The following EIF4G2 variants were observed in gnomAD, a reference collection of about 807,000 sequenced individuals.
EIF4G2 encodes DAP-5.
EIF4G2 carries 8 observed loss-of-function variants against 117.7 expected under a neutral mutation model. The ratio of observed to expected loss-of-function variants is 0.07; its 90% confidence interval spans 0.04 to 0.12. The LOEUF is 0.12. Ranked by LOEUF, EIF4G2 falls within the 10% of genes least tolerant of loss-of-function variation. The pLI is 1.00. For missense variants in EIF4G2, 812 were observed against 1,086.2 expected, an observed-to-expected ratio of 0.75 and a Z score of 3.55; for synonymous variants, 413 against 367.8, an observed-to-expected ratio of 1.12 and a Z score of -1.41.
Position 10,807,677 on chromosome 11 carries a change from T to C in EIF4G2, c.-86-296A>G, listed in dbSNP as rs527776177. On this transcript the variant is annotated intron_variant, in intron 1 of 21. Coordinates refer to ENST00000339995, the MANE Select transcript of EIF4G2 (RefSeq NM_001418.4). ...CTTTAAAACTGAGCACTGAGATCAATAGAAAAGTCTAACTACAGACACGAG... is the reference window on the plus strand; with the variant it reads ...CTTTAAAACTGAGCACTGAGATCAACAGAAAAGTCTAACTACAGACACGAG... 7.9e-4 allele frequency: 798 copies of C among 1,011,192 alleles called. 1 individual carries two copies. Among genetic ancestry groups the C allele is most frequent in the African/African-American group, 2.4e-3 (141 of 58,140 alleles). 62.6% of individuals were successfully genotyped at this position (1,011,192 alleles called of 1,614,324 possible). A position where few individuals can be genotyped will look rare whatever the true frequency, so the allele number is the denominator to read the frequency against.
rs947612569 is a variant in EIF4G2 at position 10,803,105 on chromosome 11, G to A, written c.921C>T (p.His307=). The change falls in exon 11 of 22, where the codon CAC becomes CAT. Residue 307 remains histidine, a synonymous_variant. Coordinates refer to ENST00000339995, the MANE Select transcript of EIF4G2 (RefSeq NM_001418.4). The surrounding 1 kb of genome is among the most constrained non-coding windows in gnomAD (Gnocchi z 4.0). Reference sequence around the variant, plus strand: ...GAAAAGCCTTGCGAGGAACCCAATGGTGTTCTCGCAACTCTACGGTATCCT... The same window carrying A: ...GAAAAGCCTTGCGAGGAACCCAATGATGTTCTCGCAACTCTACGGTATCCT... 1 of 1,610,744 alleles carries A rather than the reference G, an allele frequency of 6.2e-7. No individual in the cohort carries two copies. Among genetic ancestry groups the A allele is most frequent in the Non-Finnish European group, 8.5e-7 (1 of 1,178,188 alleles).
In EIF4G2 at chr11:10,808,842, C is replaced by G; in HGVS notation, c.-224G>C. On this transcript the variant is annotated 5_prime_UTR_variant, in exon 1 of 22. Transcript: ENST00000339995. ...GGGGGAGGAAGGAGTCGGGGACGGC[C>G]TCAAACTCAGCTCAGAGGAGTCGCT... The G allele has an allele frequency of 5.8e-6, 1 of 173,356 alleles. No individual in the cohort carries two copies. Among genetic ancestry groups the G allele is most frequent in the South Asian group, 9.2e-5 (1 of 10,896 alleles). The allele number at this position is 173,356 out of a possible 1,614,324, so 10.7% of individuals were successfully genotyped here. A position where few individuals can be genotyped will look rare whatever the true frequency, so the allele number is the denominator to read the frequency against.
rs552901823 is a variant in EIF4G2 at position 10,797,950 on chromosome 11, G to A, written c.2659-69C>T. ...CAGAAATCCATCCAAAAAGTTTTAG[G>A]TGGTACTACACAGTTTTAGAATATG... On this transcript the variant is annotated intron_variant, in intron 21 of 21. Transcript: ENST00000339995. This position sits in a 1 kb window ranked among gnomAD's most constrained non-coding sequence, Gnocchi z 4.5. 1.8e-5 allele frequency: 26 copies of A among 1,408,524 alleles called. No individual in the cohort carries two copies. In the Admixed American group the frequency reaches 3.4e-4, roughly 18 times the overall value. The allele number at this position is 1,408,524 out of a possible 1,614,324, so 87.3% of individuals were successfully genotyped here. A position where few individuals can be genotyped will look rare whatever the true frequency, so the allele number is the denominator to read the frequency against.
chr11:10,803,399 AATCCCTT>A lies in EIF4G2; in HGVS notation c.813+74_813+80del. On this transcript the variant is annotated intron_variant, in intron 9 of 21. Transcript: ENST00000339995. This position sits in a 1 kb window ranked among gnomAD's most constrained non-coding sequence, Gnocchi z 4.0. ...AACCCAGTTAATGGCTAAATATGGCAATCCCTTATGATGTCACAAAAATCAATAGCTT... is the reference window on the plus strand; with the variant it reads ...AACCCAGTTAATGGCTAAATATGGCAATGATGTCACAAAAATCAATAGCTT... 2 of 1,555,048 alleles carry A rather than the reference AATCCCTT, an allele frequency of 1.3e-6. No individual in the cohort carries two copies. Among genetic ancestry groups the A allele is most frequent in the Non-Finnish European group, 8.8e-7 (1 of 1,130,150 alleles).
rs1380741685 is a variant in EIF4G2 at position 10,806,863 on chromosome 11, T to C, written c.64A>G (p.Ser22Gly). The change falls in exon 3 of 22, where the codon AGT becomes GGT. Residue 22 changes from serine to glycine, a missense_variant. Around this residue, in one of 4 missense-constraint regions of EIF4G2, gnomAD observed 79 missense variants for 91.5 expected, o/e 0.86. Coordinates refer to ENST00000339995, the MANE Select transcript of EIF4G2 (RefSeq NM_001418.4). The stretch of plus-strand genomic sequence containing the variant: ...GGATAGTGCTGAGGTGCACCCCTAC[T>C]TCCTCCTCCGCCCGAAGAAGCACTA... 1.2e-6 allele frequency: 2 copies of C among 1,614,154 alleles called. No individual in the cohort carries two copies. The highest frequency in any genetic ancestry group is 1.7e-6 in the Non-Finnish European group (2 of 1,180,028).
rs762183978 is a variant in EIF4G2, at chr11:10,803,343, C to CA, written c.814-50dup. On this transcript the variant is annotated intron_variant, in intron 9 of 21. Coordinates refer to ENST00000339995, the MANE Select transcript of EIF4G2 (RefSeq NM_001418.4). This position sits in a 1 kb window ranked among gnomAD's most constrained non-coding sequence, Gnocchi z 4.0. The stretch of plus-strand genomic sequence containing the variant: ...TTGGAAGAGCTAAAGCAAATGTGTT[C>CA]AATTTACAGCTTTAAGACTTCTAAA... 6.3e-7 allele frequency: 1 copy of CA among 1,595,284 alleles called. No homozygotes were observed. Among genetic ancestry groups the CA allele is most frequent in the East Asian group, 2.2e-5 (1 of 44,714 alleles).
chr11:10,804,566 T>C, intron 5 of EIF4G2, 148 bp from the exon 6 acceptor site: 1 of 1,027,160 alleles, frequency 9.7e-7, no homozygotes, highest in East Asian at 2.6e-5. Context: ...ATCCATCTCC[T>C]GGGAGTCAGA....
chr11:10,807,731 G>A (rs1847625346), intron 1 of EIF4G2: 5 of 992,860 alleles, frequency 5.0e-6, no homozygotes, highest in East Asian at 1.1e-4. Context: ...GTCTGCCCTA[G>A]GAATTTTTAC....
At chr11:10,799,482 ACT>A (rs1847358619) in intron 19 of EIF4G2, 58 bp from the exon 20 acceptor site, 4 of 1,609,566 alleles carry the variant, frequency 2.5e-6, no homozygotes, top group East Asian at 2.2e-5. Context: ...TCAAGAGACA[ACT>A]CTTAGTCTCC....
chr11:10,799,097 A>G lies in EIF4G2; in HGVS notation c.2553T>C (p.Phe851=), dbSNP rs373619913. The change falls in exon 21 of 22, where the codon TTT becomes TTC. Residue 851 remains phenylalanine, a synonymous_variant. Coordinates refer to ENST00000339995, the MANE Select transcript of EIF4G2 (RefSeq NM_001418.4). ...TTTCCATGTCATAGAAGTGCACAAA[A>G]AAGCGAAGTAACATGCCTTAAAAAA... 3 of 1,586,316 alleles carry G rather than the reference A, an allele frequency of 1.9e-6. No individual in the cohort carries two copies. Among genetic ancestry groups the G allele is most frequent in the East Asian group, 2.2e-5 (1 of 44,598 alleles).
rs1325261468 is a variant in EIF4G2 at position 10,803,672 on chromosome 11, C to T, written c.703-82G>A. 7.7e-7 allele frequency: 1 copy of T among 1,290,968 alleles called. No homozygotes were observed. The highest frequency in any genetic ancestry group is 1.1e-6 in the Non-Finnish European group (1 of 904,148). The allele number at this position is 1,290,968 out of a possible 1,614,324, so 80.0% of individuals were successfully genotyped here. A position where few individuals can be genotyped will look rare whatever the true frequency, so the allele number is the denominator to read the frequency against. On this transcript the variant is annotated intron_variant, in intron 8 of 21. Coordinates refer to ENST00000339995, the MANE Select transcript of EIF4G2 (RefSeq NM_001418.4). The surrounding 1 kb of genome is among the most constrained non-coding windows in gnomAD (Gnocchi z 4.0). ...TACTTTCTTTCCCTTTATGTTTGCA[C>T]TGACTCATTCACAGTTCCTACAGAA...
At chr11:10,806,940 G>C (rs1391768559) in intron 2 of EIF4G2, 55 bp from the exon 3 acceptor site, 2 of 1,458,824 alleles carry the variant, frequency 1.4e-6, no homozygotes, top group African/African-American at 2.6e-5. Flanking sequence ...CACTCAAAAA[G>C]AATAAGCATC....
chr11:10,800,407 C>G, intron 17 of EIF4G2, 25 bp downstream of exon 17: 1 of 1,613,572 alleles, frequency 6.2e-7, no homozygotes, highest in Non-Finnish European at 8.5e-7. Context: ...AGAGTTCTTA[C>G]CACACAATCA....
At position 10,797,377 on chromosome 11, in the gene EIF4G2, T is replaced by C. The variant is rs1217497154; in HGVS notation, c.*439A>G. On this transcript the variant is annotated 3_prime_UTR_variant, in exon 22 of 22. Coordinates refer to ENST00000339995, the MANE Select transcript of EIF4G2 (RefSeq NM_001418.4). The surrounding 1 kb of genome is among the most constrained non-coding windows in gnomAD (Gnocchi z 4.5). ...TACTATTACGGCAACAACCATCAAT[T>C]ACAGTTAAGAATTTTTCTGTAACAA... 1.2e-5 allele frequency: 2 copies of C among 160,470 alleles called. No individual in the cohort carries two copies. Among genetic ancestry groups the C allele is most frequent in the Admixed American group, 1.2e-4 (2 of 16,022 alleles). The allele number at this position is 160,470 out of a possible 1,614,324, so 9.9% of individuals were successfully genotyped here.
Position 10,800,244 on chromosome 11 carries a change from C to T in EIF4G2, c.1965G>A (p.Leu655=), listed in dbSNP as rs1335082378. 2 of 1,614,046 alleles carry T rather than the reference C, an allele frequency of 1.2e-6. No homozygotes were observed. The highest frequency in any genetic ancestry group is 1.6e-4 in the Middle Eastern group (1 of 6,084). ...GTTGAGCTAGTTCTGAAATGCTCAC[C>T]AGCTCTGAAATGATGGCACGAGCTG... is the stretch of plus-strand genomic sequence containing the variant. Residue 655 remains leucine, a synonymous_variant, in exon 18 of 22, where the codon CTG becomes CTA. Coordinates refer to ENST00000339995, the MANE Select transcript of EIF4G2 (RefSeq NM_001418.4).
Position 10,799,593 on chromosome 11 carries a change from T to G in EIF4G2, c.2283A>C (p.Lys761Asn). 6.2e-7 allele frequency: 1 copy of G among 1,614,110 alleles called. No individual in the cohort carries two copies. Among genetic ancestry groups the G allele is most frequent in the Non-Finnish European group, 8.5e-7 (1 of 1,180,000 alleles). The change falls in exon 19 of 22, where the codon AAA (lysine) becomes AAC (asparagine). Residue 761 changes from lysine to asparagine, a missense_variant. By Grantham distance (94) the Lys-to-Asn change is moderately conservative (BLOSUM62 0). Around this residue, in one of 4 missense-constraint regions of EIF4G2, gnomAD observed 571 missense variants for 642.3 expected, o/e 0.89. Coordinates refer to ENST00000339995, the MANE Select transcript of EIF4G2 (RefSeq NM_001418.4). The stretch of plus-strand genomic sequence containing the variant: ...TCACAAATCCTTTATCTACATGAAG[T>G]TTGGGAGAGATGTTATCTTTAATCC...
Position 10,804,000 on chromosome 11 carries a change from C to A in EIF4G2, c.601G>T (p.Ala201Ser). Reference sequence around the variant, plus strand: ...CCCAACATCTTGATCTTAGCAATGGCTCTCTGTTCCTCCTCCTCGGGGAGG... The same window carrying A: ...CCCAACATCTTGATCTTAGCAATGGATCTCTGTTCCTCCTCCTCGGGGAGG... Residue 201 changes from alanine to serine, a missense_variant, in exon 8 of 22, where the codon GCC becomes TCC. This residue lies in a region of EIF4G2 where 154 missense variants were observed against 322.1 expected (regional missense o/e 0.48). Coordinates refer to ENST00000339995, the MANE Select transcript of EIF4G2 (RefSeq NM_001418.4). This position sits in a 1 kb window ranked among gnomAD's most constrained non-coding sequence, Gnocchi z 4.0. The A allele has an allele frequency of 6.2e-7, 1 of 1,614,132 alleles. No homozygotes were observed. The highest frequency in any genetic ancestry group is 1.1e-5 in the South Asian group (1 of 91,074).
At chr11:10,802,691 C>A (rs1847460407) in intron 11 of EIF4G2, among the ~76,000 whole-genome samples, 1 of 152,110 alleles carries the variant, frequency 6.6e-6, no homozygotes, top group Non-Finnish European at 1.5e-5. Flanking sequence ...CATGGTGGAA[C>A]CCTGTCTCTA....
Position 10,799,321 on chromosome 11 carries a change from G to C in EIF4G2, c.2428C>G (p.Leu810Val). 1 of 1,614,060 alleles carries C rather than the reference G, an allele frequency of 6.2e-7. No individual in the cohort carries two copies. The highest frequency in any genetic ancestry group is 1.6e-4 in the Middle Eastern group (1 of 6,062). The change falls in exon 20 of 22, where the codon CTA becomes GTA. Residue 810 changes from leucine to valine, a missense_variant. Around this residue, in one of 4 missense-constraint regions of EIF4G2, gnomAD observed 571 missense variants for 642.3 expected, o/e 0.89. Transcript: ENST00000339995. The stretch of plus-strand genomic sequence containing the variant: ...TTCTGCATTACTGGCTTGAAAGATA[G>C]TAGTAGTTGTTTTTCCTGCTCTAAC...
Sources: allele counts gnomAD v4.1 joint callset (sites outside exome capture counted in the v4.1 genomes callset), GRCh38; gene constraint gnomAD v4.1.1; regional missense constraint gnomAD v4.1.1; non-coding constraint Gnocchi (gnomAD v3.1); transcripts MANE v1.5; gene names NCBI Gene and HGNC (gene_info 2026-07-23, HGNC 2026-07-21).